Variants in PDE8A observed in about 807,000 individuals in gnomAD.
PDE8A encodes the protein phosphodiesterase 8A.
A neutral mutation model predicts 105.0 loss-of-function variants in PDE8A; 59 were observed. The ratio of observed to expected loss-of-function variants is 0.56; its 90% CI spans 0.46 to 0.70. The LOEUF is 0.70. PDE8A is among the 30% of genes least tolerant of loss of function. The pLI, the probability that PDE8A is intolerant of heterozygous loss-of-function variation, is 0.00. For missense variants in PDE8A, 1,014 were observed against 1,045.9 expected (o/e 0.97, Z 0.42); for synonymous variants, 355 against 371.9 (o/e 0.95, Z 0.52).
chr15:85,087,706 T>C (rs1051401631), intron 6 of PDE8A, among the ~76,000 whole-genome samples: 1 of 152,200 alleles, frequency 6.6e-6, no homozygotes, highest in Non-Finnish European at 1.5e-5. Flanking sequence ...GAATATTATA[T>C]AGTTATTTAA....
At chr15:84,993,165 T>A (rs74438931) in intron 1 of PDE8A, among the ~76,000 whole-genome samples, 1 of 152,178 alleles carries the variant, frequency 6.6e-6, no homozygotes, top group South Asian at 2.1e-4. Context: ...AAGGATCGGC[T>A]GGGCGTGGTG....
At chr15:85,119,090 A>T (rs1206868810) in intron 17 of PDE8A, among the ~76,000 whole-genome samples, 4 of 152,226 alleles carry the variant, frequency 2.6e-5, no homozygotes, top group African/African-American at 7.2e-5. Flanking sequence ...ATGGCTCAGC[A>T]TATAAAGAAC....
chr15:84,993,285 T>C (rs1485425692), intron 1 of PDE8A, among the ~76,000 whole-genome samples: 1 of 151,192 alleles, frequency 6.6e-6, no homozygotes, highest in African/African-American at 2.4e-5. Context: ...CTTCTAAAAA[T>C]ACAAAAAATT....
At chr15:85,005,811 TA>T (rs1211446981) in intron 1 of PDE8A, among the ~76,000 whole-genome samples, 3 of 151,628 alleles carry the variant, frequency 2.0e-5, no homozygotes, top group Non-Finnish European at 4.4e-5. Context: ...TTAAGTAACT[TA>T]AAAAATACAT....
At chr15:85,002,004 A>G (rs1023844) in intron 1 of PDE8A, among the ~76,000 whole-genome samples, 93,796 of 151,760 alleles carry the variant, frequency 0.62, 29,956 homozygotes, top group African/African-American at 0.8. Flanking sequence ...GGGTCTCGCT[A>G]TGTTGCCCAT....
At chr15:85,008,345 G>A (rs1473416328) in intron 1 of PDE8A, among the ~76,000 whole-genome samples, 1 of 151,902 alleles carries the variant, frequency 6.6e-6, no homozygotes, top group East Asian at 1.9e-4. Flanking sequence ...AGAATTCCAC[G>A]TGCTGATACC....
At chr15:85,065,332 T>G (rs1596483668) in intron 2 of PDE8A, among the ~76,000 whole-genome samples, 1 of 56,388 alleles carries the variant, frequency 1.8e-5, no homozygotes. Context: ...GGGACTGTGG[T>G]GGGGAGGGGG....
chr15:85,090,066 T>G (rs1282314409), intron 7 of PDE8A, among the ~76,000 whole-genome samples: 1 of 152,232 alleles, frequency 6.6e-6, no homozygotes, highest in Non-Finnish European at 1.5e-5. Flanking sequence ...TCTTTCACTT[T>G]AATATGACTT....
At position 85,091,032 on chromosome 15, in the gene PDE8A, G is replaced by T. The variant is rs752823743; in HGVS notation, c.715-12G>T. ...TAATTCACTTTATGTTTTTTCTTTT[G>T]TCTCCCTTCAGTATGCAAATCCTGC... On this transcript the variant is annotated splice_polypyrimidine_tract_variant and intron_variant, in intron 7 of 21. Coordinates refer to ENST00000394553, the MANE Select transcript of PDE8A (RefSeq NM_002605.3). 4.4e-6 allele frequency: 7 copies of T among 1,590,374 alleles called. No homozygotes were observed. Among genetic ancestry groups the T allele is most frequent in the Middle Eastern group, 1.7e-4 (1 of 5,894 alleles).
At chr15:85,044,363 G>GAA (rs56384849) in intron 1 of PDE8A, among the ~76,000 whole-genome samples, 127,815 of 151,828 alleles carry the variant, frequency 0.84, 54,043 homozygotes, top group Non-Finnish European at 0.88. Flanking sequence ...GTAGGGGGAG[G>GAA]AAAGAGACTA....
chr15:85,022,322 C>T (rs2080439639), intron 1 of PDE8A, among the ~76,000 whole-genome samples: 2 of 151,880 alleles, frequency 1.3e-5, no homozygotes, highest in African/African-American at 2.4e-5. Context: ...CTGGATGGGT[C>T]GAGTTCTCAC....
chr15:84,981,080 C>G (rs1467911360), upstream of PDE8A, among the ~76,000 whole-genome samples: 2 of 152,224 alleles, frequency 1.3e-5, no homozygotes, highest in African/African-American at 4.8e-5. Flanking sequence ...CTCCAGGGCT[C>G]ACACTTGGTG....
At chr15:85,094,625 C>G (rs961243316) in intron 8 of PDE8A, among the ~76,000 whole-genome samples, 1 of 152,194 alleles carries the variant, frequency 6.6e-6, no homozygotes, top group East Asian at 1.9e-4. Context: ...GCTCATGGAC[C>G]TACCTCACAG....
At chr15:85,136,485 G>T (rs374596598) in intron 20 of PDE8A, 49 bp from the exon 21 acceptor site, 9 of 1,582,760 alleles carry the variant, frequency 5.7e-6, no homozygotes, top group Non-Finnish European at 7.7e-6. Flanking sequence ...CCCCTAGGTG[G>T]AGTGGAACCA....
chr15:85,023,719 C>G (rs1252966123), intron 1 of PDE8A, among the ~76,000 whole-genome samples: 1 of 152,024 alleles, frequency 6.6e-6, no homozygotes, highest in Non-Finnish European at 1.5e-5. Flanking sequence ...GTGAAGATCA[C>G]TGGGTTGTGA....
intron 5 of PDE8A, among the ~76,000 whole-genome samples, chr15:85,077,027 A>G (rs1432921345): frequency 2.0e-5 from 3 of 152,160 alleles, no homozygotes; most frequent in South Asian, 4.1e-4. Flanking sequence ...TCGTACTTAA[A>G]AAAAAAATTA....
chr15:85,028,602 T>A lies in PDE8A; in HGVS notation c.187-35768T>A, dbSNP rs530067184. ...AGTTTATACTCCTACAAAAGTGTTATCTATTCCTTGTATTTCGCAATTTGA... is the reference window on the plus strand; with the variant it reads ...AGTTTATACTCCTACAAAAGTGTTAACTATTCCTTGTATTTCGCAATTTGA... On this transcript the variant is annotated intron_variant, in intron 1 of 21. Coordinates refer to ENST00000394553, the MANE Select transcript of PDE8A (RefSeq NM_002605.3). 2.0e-5 allele frequency among the ~76,000 whole-genome samples: 3 copies of A among 152,232 alleles called. No individual in the cohort carries two copies. In the South Asian group the frequency reaches 6.2e-4, roughly 31 times the overall value.
intron 1 of PDE8A, among the ~76,000 whole-genome samples, chr15:85,030,585 G>A (rs955144005): frequency 2.6e-5 from 4 of 152,102 alleles, no homozygotes; most frequent in African/African-American, 9.7e-5. Flanking sequence ...ACCCAACTAG[G>A]CCCTCTGTCA....
In PDE8A at chr15:85,099,995, G is replaced by A. The variant is rs190393305; in HGVS notation, c.942-20G>A. ...ATTAGAGACTCAGAAGAGAAATAAT[G>A]CATTGTTTTTTACTTGCAGAAAAAT... On this transcript the variant is annotated intron_variant, in intron 9 of 21. Coordinates refer to ENST00000394553, the MANE Select transcript of PDE8A (RefSeq NM_002605.3). The A allele has an allele frequency of 2.8e-3, 4,506 of 1,587,294 alleles. 13 individuals carry two copies. The highest frequency in any genetic ancestry group is 3.5e-3 in the Non-Finnish European group (4,077 of 1,161,316).
Sources: gnomAD v4.1 joint callset for allele counts (sites outside exome capture counted in the v4.1 genomes callset) on GRCh38, gnomAD v4.1.1 for gene constraint, MANE v1.5 for transcripts, NCBI Gene and HGNC (gene_info 2026-07-23, HGNC 2026-07-21) for gene names.